The following DSCAM variants were observed in gnomAD, a reference collection of about 807,000 sequenced individuals.
DSCAM encodes DS cell adhesion molecule, also known as cell adhesion molecule DSCAM.
DSCAM carries 47 observed loss-of-function variants against 217.7 expected under a neutral mutation model. That is an observed-to-expected ratio of 0.22 (90% CI 0.17 to 0.28). DSCAM has a LOEUF of 0.28. Among genes scored for constraint, DSCAM ranks in the 10% least tolerant of loss-of-function variants. DSCAM has a pLI of 1.00. For missense variants in DSCAM, 2,080 were observed against 2,618.3 expected, an observed-to-expected ratio of 0.79 and a Z score of 4.49; for synonymous variants, 1,056 against 1,015.3, an observed-to-expected ratio of 1.04 and a Z score of -0.76.
At chr21:40,721,358 C>A (rs2090899420) in intron 1 of DSCAM, among the ~76,000 whole-genome samples, 1 of 152,074 alleles carries the variant, frequency 6.6e-6, no homozygotes, top group South Asian at 2.1e-4. Context: ...AGAGATGATA[C>A]AATTTGCAAG....
intron 25 of DSCAM, 75 bp from the exon 26 acceptor site, chr21:40,079,052 C>A: frequency 6.6e-7 from 1 of 1,520,018 alleles, no homozygotes; most frequent in African/African-American, 1.4e-5. Flanking sequence ...GCATTTCCCT[C>A]GGACTGCTTC....
intron 3 of DSCAM, among the ~76,000 whole-genome samples, chr21:40,434,331 G>T (rs1015017722): frequency 1.3e-5 from 2 of 152,250 alleles, no homozygotes; most frequent in East Asian, 3.9e-4. Context: ...CGCCAACAAC[G>T]GCGTCAAACA....
chr21:40,446,357 C>A (rs954712723), intron 3 of DSCAM, among the ~76,000 whole-genome samples: 4 of 152,130 alleles, frequency 2.6e-5, no homozygotes, highest in African/African-American at 9.7e-5. Flanking sequence ...GTCATGTAAT[C>A]CAATGGAAAG....
chr21:40,343,249 G>A (rs942153187), intron 6 of DSCAM, among the ~76,000 whole-genome samples: 1 of 152,132 alleles, frequency 6.6e-6, no homozygotes, highest in Non-Finnish European at 1.5e-5. Flanking sequence ...AATTAAGACA[G>A]CTGAAATTTT....
chr21:40,803,908 G>C lies in DSCAM; in HGVS notation c.43+42711C>G, dbSNP rs1034644820. On this transcript the variant is annotated intron_variant, in intron 1 of 32. Transcript: ENST00000400454. ...AATGGTCCTTCAGTGTCTCTAAGGA[G>C]CATCCCCTCTCCTGCTCTACAAAAT... Among the ~76,000 whole-genome samples, 3 of 152,124 alleles carry C rather than the reference G, an allele frequency of 2.0e-5. No homozygotes were observed. In the East Asian group the frequency reaches 5.8e-4, roughly 29 times the overall value.
intron 3 of DSCAM, among the ~76,000 whole-genome samples, chr21:40,510,605 AG>A (rs2076250804): frequency 6.6e-6 from 1 of 152,236 alleles, no homozygotes; most frequent in Non-Finnish European, 1.5e-5. Flanking sequence ...GGCCTCTATA[AG>A]AAAGTTTAGA....
chr21:40,614,786 G>T (rs1365375223), intron 3 of DSCAM, among the ~76,000 whole-genome samples: 4 of 152,248 alleles, frequency 2.6e-5, no homozygotes, highest in East Asian at 1.9e-4. Context: ...AATATTGCAG[G>T]TCGATGTGGT....
intron 3 of DSCAM, among the ~76,000 whole-genome samples, chr21:40,467,536 A>C (rs911302173): frequency 1.3e-5 from 2 of 152,196 alleles, no homozygotes; most frequent in African/African-American, 4.8e-5. Context: ...CTTGTATATA[A>C]AATTGATTAA....
At chr21:40,818,082 G>A (rs1345991843) in intron 1 of DSCAM, among the ~76,000 whole-genome samples, 13 of 133,640 alleles carry the variant, frequency 9.7e-5, no homozygotes, top group Admixed American at 2.3e-4. Context: ...CGGCCTGGGC[G>A]ACAGAGCGAG....
At chr21:40,394,006 C>A (rs2075156744) in intron 3 of DSCAM, among the ~76,000 whole-genome samples, 2 of 152,236 alleles carry the variant, frequency 1.3e-5, no homozygotes, top group African/African-American at 4.8e-5. Flanking sequence ...CTAATTATTT[C>A]TTTAATACAG....
chr21:40,557,544 C>G (rs1266068331), intron 3 of DSCAM, among the ~76,000 whole-genome samples: 3 of 48,340 alleles, frequency 6.2e-5, no homozygotes, highest in African/African-American at 1.3e-4. Context: ...TTAGTAGAGA[C>G]CAAGATGGTC....
rs2090596073 is a variant in DSCAM at position 40,166,486 on chromosome 21, C to T, written c.3018+732G>A. 2.0e-5 allele frequency among the ~76,000 whole-genome samples: 3 copies of T among 152,290 alleles called. No homozygotes were observed. In the South Asian group the frequency reaches 6.2e-4, roughly 32 times the overall value. On this transcript the variant is annotated intron_variant, in intron 16 of 32. Transcript: ENST00000400454. ...CACCAGGTCAGGGCCATGCTACTGA[C>T]CTGAAGGCCATGGAACAGTGGTGGT...
At chr21:40,498,815 A>ATATATG (rs1255928209) in intron 3 of DSCAM, among the ~76,000 whole-genome samples, 1 of 122,260 alleles carries the variant, frequency 8.2e-6, no homozygotes, top group African/African-American at 3.0e-5. Flanking sequence ...ATATATATAT[A>ATATATG]TATACCCATC....
intron 1 of DSCAM, among the ~76,000 whole-genome samples, chr21:40,800,366 T>C (rs1007714677): frequency 3.0e-4 from 45 of 152,194 alleles, no homozygotes; most frequent in African/African-American, 1.1e-3. Context: ...AACTGGGTAA[T>C]GGGCAGAGGA....
intron 3 of DSCAM, among the ~76,000 whole-genome samples, chr21:40,444,603 T>G (rs541641875): frequency 4.5e-4 from 69 of 152,298 alleles, no homozygotes; most frequent in African/African-American, 1.5e-3. Flanking sequence ...TAATACATAT[T>G]CTATTTTTAA....
intron 11 of DSCAM, among the ~76,000 whole-genome samples, chr21:40,207,283 C>T (rs976604765): frequency 6.6e-6 from 1 of 152,110 alleles, no homozygotes; most frequent in African/African-American, 2.4e-5. Flanking sequence ...TCTATAATTT[C>T]TTTAATTTCT....
chr21:40,186,879 G>C (rs933134288), intron 14 of DSCAM, among the ~76,000 whole-genome samples: 5 of 152,118 alleles, frequency 3.3e-5, no homozygotes, highest in African/African-American at 4.8e-5. Flanking sequence ...GCAATATCAA[G>C]GAGTCCAGCA....
At chr21:40,212,909 GA>G (rs2091199879) in intron 11 of DSCAM, among the ~76,000 whole-genome samples, 1 of 152,196 alleles carries the variant, frequency 6.6e-6, no homozygotes, top group Admixed American at 6.5e-5. Flanking sequence ...TGTGAAGGTG[GA>G]GGCAGAGACT....
chr21:40,625,831 A>G (rs1400241876), intron 3 of DSCAM, among the ~76,000 whole-genome samples: 4 of 152,092 alleles, frequency 2.6e-5, no homozygotes, highest in African/African-American at 9.7e-5. Flanking sequence ...CTCCTTTACT[A>G]CTGCTCCATT....
Sources: allele counts gnomAD v4.1 joint callset (sites outside exome capture counted in the v4.1 genomes callset), GRCh38; gene constraint gnomAD v4.1.1; transcripts MANE v1.5; gene names NCBI Gene and HGNC (gene_info 2026-07-23, HGNC 2026-07-21).